Variants in PCDHA1 observed in about 807,000 individuals in gnomAD.
PCDHA1 encodes protocadherin alpha 1.
A neutral mutation model predicts 61.3 loss-of-function variants in PCDHA1; 42 were observed. That is an observed-to-expected ratio of 0.69 (90% CI 0.54 to 0.89). The LOEUF is 0.89. Ranked by LOEUF, PCDHA1 falls within the 40% of genes least tolerant of loss-of-function variation. The pLI is 0.00. For synonymous variants in PCDHA1, 610 were observed against 553.8 expected (o/e 1.10, Z -1.43); for missense variants, 1,256 against 1,235.3 (o/e 1.02, Z -0.25).
intron 1 of PCDHA1, chr5:140,803,910 C>G: frequency 2.0e-6 from 1 of 508,782 alleles, no homozygotes; most frequent in South Asian, 2.5e-5. Flanking sequence ...GAGAATCTGA[C>G]TTCGACTTGT....
intron 1 of PCDHA1, chr5:140,865,437 T>G (rs951308725): frequency 2.0e-5 from 3 of 152,200 alleles, no homozygotes; most frequent in Admixed American, 6.5e-5. Flanking sequence ...GAAAAATAAC[T>G]TCTGAGAAGA....
At chr5:140,820,247 C>T (rs961844156) in intron 1 of PCDHA1, among the ~76,000 whole-genome samples, 7 of 151,972 alleles carry the variant, frequency 4.6e-5, no homozygotes, top group Middle Eastern at 7.0e-3. Context: ...TAGTAAAAAT[C>T]TTATAAGGGA....
At chr5:140,852,715 C>T in intron 1 of PCDHA1, 1 of 981,378 alleles carries the variant, frequency 1.0e-6, no homozygotes, top group Non-Finnish European at 1.2e-6. Context: ...TTTGTCTTTG[C>T]ACGTTTTTCA....
At chr5:140,928,157 C>T (rs782528366) in intron 1 of PCDHA1, 9 of 1,614,200 alleles carry the variant, frequency 5.6e-6, no homozygotes, top group Non-Finnish European at 7.6e-6. Flanking sequence ...GATAGTGGCT[C>T]ACCCCCACTT....
chr5:140,803,914 G>A (rs1280757638), intron 1 of PCDHA1: 1 of 500,198 alleles, frequency 2.0e-6, no homozygotes, highest in Non-Finnish European at 3.5e-6. Flanking sequence ...ATCTGACTTC[G>A]ACTTGTTTTA....
chr5:140,870,358 G>A (rs201159213), intron 1 of PCDHA1: 4 of 1,614,098 alleles, frequency 2.5e-6, no homozygotes, highest in Non-Finnish European at 3.4e-6. Context: ...GAACGTGTGG[G>A]CCTATGAACT....
At chr5:140,816,298 T>C (rs1765878212) in intron 1 of PCDHA1, 1 of 152,238 alleles carries the variant, frequency 6.6e-6, no homozygotes, top group Admixed American at 6.5e-5. Context: ...GTTGAACATG[T>C]CTGTAAAATT....
At chr5:140,941,718 T>G (rs910042752) in intron 1 of PCDHA1, among the ~76,000 whole-genome samples, 1 of 152,204 alleles carries the variant, frequency 6.6e-6, no homozygotes, top group African/African-American at 2.4e-5. Context: ...CCACAATTTG[T>G]CCTAGCAGTT....
intron 1 of PCDHA1, among the ~76,000 whole-genome samples, chr5:140,920,617 G>A (rs569983611): frequency 9.7e-4 from 148 of 152,170 alleles, no homozygotes; most frequent in African/African-American, 2.6e-3. Context: ...AGGCCGAGGC[G>A]GATGGATCAC....
chr5:140,850,089 C>G (rs2150466506), intron 1 of PCDHA1: 1 of 1,596,512 alleles, frequency 6.3e-7, no homozygotes, highest in Non-Finnish European at 8.6e-7. Flanking sequence ...GGAGCTGCTA[C>G]AGTTCCAGGT....
At chr5:140,857,218 T>C (rs2044426953) in intron 1 of PCDHA1, 1 of 1,598,352 alleles carries the variant, frequency 6.3e-7, no homozygotes, top group African/African-American at 1.3e-5. Context: ...CTCTGACGCC[T>C]CACGTTCCGT....
At chr5:140,838,075 ATAGTGTGTGTGTGT>A (rs1322257119) in intron 1 of PCDHA1, among the ~76,000 whole-genome samples, 7,901 of 128,220 alleles carry the variant, frequency 0.062, 356 homozygotes, top group Middle Eastern at 0.073. Flanking sequence ...TTATATATAT[ATAGTGTGTGTGTGT>A]GTGTGTGTGT....
chr5:140,982,985 A>C (rs2097019022), intron 3 of PCDHA1, among the ~76,000 whole-genome samples: 1 of 152,162 alleles, frequency 6.6e-6, no homozygotes, highest in Non-Finnish European at 1.5e-5. Flanking sequence ...AAAGAAAGAG[A>C]AAAAGAAGGA....
intron 1 of PCDHA1, chr5:140,863,282 A>T (rs782183211): frequency 6.8e-7 from 1 of 1,461,396 alleles, no homozygotes; most frequent in East Asian, 3.4e-5. Context: ...GTGGATGTCA[A>T]CGTGTACCTG....
At chr5:140,975,823 G>A (rs1239122577) in intron 1 of PCDHA1, among the ~76,000 whole-genome samples, 2 of 152,164 alleles carry the variant, frequency 1.3e-5, no homozygotes, top group Non-Finnish European at 2.9e-5. Context: ...AGGAACTGAA[G>A]TGTATTCTTA....
At chr5:140,882,016 A>T in intron 1 of PCDHA1, 1 of 543,846 alleles carries the variant, frequency 1.8e-6, no homozygotes, top group Non-Finnish European at 3.0e-6. Context: ...AAAAAATACT[A>T]CATCAATGGA....
At chr5:140,911,449 C>G (rs1554194734) in intron 1 of PCDHA1, among the ~76,000 whole-genome samples, 1 of 152,116 alleles carries the variant, frequency 6.6e-6, no homozygotes, top group Non-Finnish European at 1.5e-5. Context: ...AATTTCAGCT[C>G]TTTCTCTACA....
intron 1 of PCDHA1, among the ~76,000 whole-genome samples, chr5:140,939,281 G>A (rs1554212652): frequency 6.6e-6 from 1 of 152,014 alleles, no homozygotes; most frequent in African/African-American, 2.4e-5. Context: ...CTGTGCCCTC[G>A]TGATCTAATC....
Position 140,927,804 on chromosome 5 carries a change from G to T in PCDHA1, c.2395-51145G>T, listed in dbSNP as rs112037348. The T allele has an allele frequency of 8.3e-4, 1,346 of 1,614,160 alleles. 11 individuals carry two copies. The African/African-American group carries it at 0.015, about 18-fold the overall frequency. On this transcript the variant is annotated intron_variant, in intron 1 of 3. Coordinates refer to ENST00000504120, the MANE Select transcript of PCDHA1 (RefSeq NM_018900.4). Reference sequence around the variant, plus strand: ...CTGCTTCACTAGGTCCGCCTGAAACGCTCTTGGAGGCATACATTGAGGCGA... The same window carrying T: ...CTGCTTCACTAGGTCCGCCTGAAACTCTCTTGGAGGCATACATTGAGGCGA...
Sources: gnomAD v4.1 joint callset for allele counts (sites outside exome capture counted in the v4.1 genomes callset) on GRCh38, gnomAD v4.1.1 for gene constraint, MANE v1.5 for transcripts, NCBI Gene and HGNC (gene_info 2026-07-23, HGNC 2026-07-21) for gene names.